The following TNPO1 variants were observed in gnomAD, a reference collection of about 807,000 sequenced individuals.
The protein encoded by TNPO1 is transportin-1.
A neutral mutation model predicts 119.5 loss-of-function variants in TNPO1; 8 were observed. The ratio of observed to expected loss-of-function variants is 0.07; its 90% CI spans 0.04 to 0.12. The LOEUF is 0.12. Among genes scored for constraint, TNPO1 ranks in the 10% least tolerant of loss-of-function variants. TNPO1 has a pLI of 1.00. For synonymous variants in TNPO1, 362 were observed against 363.0 expected (o/e 1.00, Z 0.03); for missense variants, 576 against 1,089.8 (o/e 0.53, Z 6.64).
intron 7 of TNPO1, 37 bp from the exon 8 acceptor site, chr5:72,875,578 T>C (rs762481252): frequency 1.9e-6 from 3 of 1,601,006 alleles, no homozygotes; most frequent in Non-Finnish European, 2.6e-6. Context: ...TGTGTAAGCC[T>C]TTCTAAAACT....
In TNPO1 at chr5:72,854,072, G is replaced by A. The variant is rs923269502; in HGVS notation, c.206-1702G>A. Among the ~76,000 whole-genome samples, 29 of 151,930 alleles carry A rather than the reference G, an allele frequency of 1.9e-4. 1 individual carries two copies. The highest frequency in any genetic ancestry group is 1.4e-3 in the Admixed American group (21 of 15,254). On this transcript the variant is annotated intron_variant, in intron 3 of 24. Transcript: ENST00000337273. ...GTAAAAACAATATACTATATTTCTC[G>A]TAAACAAAGTCATGCCATTTAAAAT...
At chr5:72,906,606 T>A (rs1750188930) in intron 24 of TNPO1, among the ~76,000 whole-genome samples, 2 of 152,174 alleles carry the variant, frequency 1.3e-5, no homozygotes, top group Admixed American at 1.3e-4. Context: ...GACTATATTT[T>A]AAAATAAGCA....
intron 5 of TNPO1, among the ~76,000 whole-genome samples, chr5:72,864,428 G>A (rs1315004241): frequency 1.3e-5 from 2 of 152,096 alleles, no homozygotes; most frequent in Non-Finnish European, 2.9e-5. Flanking sequence ...AAGTAGGTGG[G>A]TGGGTAACTA....
intron 24 of TNPO1, 64 bp downstream of exon 24, chr5:72,905,509 A>G (rs957345225): frequency 1.4e-6 from 1 of 726,306 alleles, no homozygotes; most frequent in African/African-American, 1.8e-5. Context: ...TGTCATTTCA[A>G]ACTACTAAAT....
At position 72,889,092 on chromosome 5, in the gene TNPO1, C is replaced by G. The variant is rs568578720; in HGVS notation, c.1530-694C>G. On this transcript the variant is annotated intron_variant, in intron 13 of 24. Coordinates refer to ENST00000337273, the MANE Select transcript of TNPO1 (RefSeq NM_002270.4). ...TATTTTTTTTAGATGGAGTCTTGCT[C>G]TGTCGCCCAGGCTGGAGTGCAGTGG... Among the ~76,000 whole-genome samples, 13 of 152,252 alleles carry G rather than the reference C, an allele frequency of 8.5e-5. No individual in the cohort carries two copies. In the East Asian group the frequency reaches 2.3e-3, roughly 27 times the overall value.
chr5:72,853,425 C>T (rs1051428749), intron 3 of TNPO1, among the ~76,000 whole-genome samples: 1 of 152,102 alleles, frequency 6.6e-6, no homozygotes, highest in Non-Finnish European at 1.5e-5. Flanking sequence ...TACTTAAGTG[C>T]TTCAGAAGTA....
At chr5:72,905,179 T>G in intron 23 of TNPO1, 124 bp from the exon 24 acceptor site, 7 of 713,442 alleles carry the variant, frequency 9.8e-6, no homozygotes, top group Non-Finnish European at 1.6e-5. Flanking sequence ...CTACGAAGTT[T>G]GAGAATTGCT....
intron 1 of TNPO1, among the ~76,000 whole-genome samples, chr5:72,845,210 A>G (rs1745079910): frequency 6.6e-6 from 1 of 152,138 alleles, no homozygotes; most frequent in Non-Finnish European, 1.5e-5. Context: ...AGACATTTAG[A>G]AAGCTGAGCC....
At chr5:72,839,697 G>C (rs1744829029) in intron 1 of TNPO1, among the ~76,000 whole-genome samples, 1 of 152,142 alleles carries the variant, frequency 6.6e-6, no homozygotes, top group East Asian at 1.9e-4. Context: ...TTCTAATACA[G>C]CTAGAACACC....
chr5:72,906,447 A>G (rs956339520), intron 24 of TNPO1, among the ~76,000 whole-genome samples: 41 of 151,582 alleles, frequency 2.7e-4, no homozygotes, highest in African/African-American at 9.7e-4. Flanking sequence ...ACATGCCACC[A>G]TGCCTGGCTA....
intron 20 of TNPO1, among the ~76,000 whole-genome samples, chr5:72,898,631 G>A (rs1286942578): frequency 6.6e-6 from 1 of 152,014 alleles, no homozygotes; most frequent in African/African-American, 2.4e-5. Context: ...ATTTCATAAA[G>A]CCAATTCCTT....
chr5:72,905,318 A>C lies in TNPO1; in HGVS notation c.2605A>C (p.Lys869Gln). Residue 869 changes from lysine (K) to glutamine (Q), a missense_variant, in exon 24 of 25, where the codon AAA becomes CAA. This residue lies in a region of TNPO1 where 162 missense variants were observed against 294.1 expected (regional missense o/e 0.55). Transcript: ENST00000337273. Reference protein sequence around the residue: ...DMFCKILHGFKNQVGDENWRR... With the variant: ...DMFCKILHGFQNQVGDENWRR... ...ACTCTTACAGATCCTTCATGGATTT[A>C]AAAATCAAGTTGGCGATGAAAATTG... 1.2e-6 allele frequency: 2 copies of C among 1,610,528 alleles called. No individual in the cohort carries two copies. Among genetic ancestry groups the C allele is most frequent in the Non-Finnish European group, 1.7e-6 (2 of 1,179,186 alleles).
intron 6 of TNPO1, among the ~76,000 whole-genome samples, chr5:72,868,280 A>C (rs867836814): frequency 4.6e-5 from 7 of 151,926 alleles, no homozygotes; most frequent in Admixed American, 1.3e-4. Flanking sequence ...AAAATACAAA[A>C]AATTAGCCGG....
intron 18 of TNPO1, 81 bp from the exon 19 acceptor site, chr5:72,896,377 G>A: frequency 1.2e-6 from 1 of 813,058 alleles, no homozygotes; most frequent in Non-Finnish European, 1.8e-6. Context: ...TTAGATTTCT[G>A]TTTCCACCTA....
At chr5:72,866,835 A>G (rs926138753) in intron 6 of TNPO1, among the ~76,000 whole-genome samples, 7 of 152,022 alleles carry the variant, frequency 4.6e-5, no homozygotes, top group Non-Finnish European at 8.8e-5. Context: ...ATTAATAAAT[A>G]TTTTTTCACG....
intron 6 of TNPO1, 103 bp from the exon 7 acceptor site, chr5:72,872,536 T>C (rs1747481636): frequency 2.9e-6 from 2 of 700,270 alleles, no homozygotes; most frequent in Non-Finnish European, 4.6e-6. Flanking sequence ...GGTATATTGA[T>C]AGACATATCA....
intron 3 of TNPO1, among the ~76,000 whole-genome samples, chr5:72,851,609 A>G (rs887677123): frequency 6.6e-6 from 1 of 152,168 alleles, no homozygotes; most frequent in Non-Finnish European, 1.5e-5. Context: ...GCTCATGCCA[A>G]ACCTCCCTAG....
At chr5:72,879,207 T>A (rs920643558) in intron 9 of TNPO1, 5 of 171,602 alleles carry the variant, frequency 2.9e-5, no homozygotes, top group Non-Finnish European at 6.3e-5. Context: ...GAAGTCCTAT[T>A]CCCAGCAGGC....
rs779642036 is a variant in TNPO1 at position 72,883,081 on chromosome 5, C to A, written c.999C>A (p.Asp333Glu). 1 of 1,612,472 alleles carries A rather than the reference C, an allele frequency of 6.2e-7. No individual in the cohort carries two copies. Among genetic ancestry groups the A allele is most frequent in the Non-Finnish European group, 8.5e-7 (1 of 1,179,544 alleles). The change falls in exon 11 of 25, where the codon GAC becomes GAA. Residue 333 changes from aspartate (D) to glutamate (E), a missense_variant. Coordinates refer to ENST00000337273, the MANE Select transcript of TNPO1 (RefSeq NM_002270.4). The part of the protein sequence containing the change: ...IILLKGDVEE[D>E]ETIPDSEQDI... ...AACAACAGGGTGATGTTGAAGAAGACGAAACGATTCCTGATAGTGAACAGG... is the reference window on the plus strand; with the variant it reads ...AACAACAGGGTGATGTTGAAGAAGAAGAAACGATTCCTGATAGTGAACAGG...
Sources: gnomAD v4.1 joint callset for allele counts (sites outside exome capture counted in the v4.1 genomes callset) on GRCh38, gnomAD v4.1.1 for gene constraint, gnomAD v4.1.1 regional missense constraint, MANE v1.5 for transcripts, NCBI Gene and HGNC (gene_info 2026-07-23, HGNC 2026-07-21) for gene names.